Variants in UTRN observed in about 807,000 individuals in gnomAD.
UTRN encodes the protein utrophin, also known as dystrophin-related protein 1.
In UTRN, 283 loss-of-function variants were observed where a neutral mutation model predicts 463.9. The ratio of observed to expected loss-of-function variants is 0.61; its 90% CI spans 0.55 to 0.67. The LOEUF is 0.67. Ranked by LOEUF, UTRN falls within the 30% of genes least tolerant of loss-of-function variation. The pLI is 0.00. For missense variants in UTRN, 3,922 were observed against 4,084.3 expected, an observed-to-expected ratio of 0.96 and a Z score of 1.08; for synonymous variants, 1,442 against 1,431.5, an observed-to-expected ratio of 1.01 and a Z score of -0.17.
intron 1 of UTRN, among the ~76,000 whole-genome samples, chr6:144,290,411 T>G (rs1360211075): frequency 6.6e-6 from 1 of 152,210 alleles, no homozygotes; most frequent in Non-Finnish European, 1.5e-5. Context: ...GGCCATTTCT[T>G]TTGAAAACTA....
intron 51 of UTRN, among the ~76,000 whole-genome samples, chr6:144,652,581 CA>C (rs1202425951): frequency 2.0e-5 from 3 of 152,142 alleles, no homozygotes; most frequent in Non-Finnish European, 2.9e-5. Context: ...CAAGCGTTAT[CA>C]ATGGATTTTT....
At chr6:144,575,195 G>T (rs376093894) in intron 50 of UTRN, among the ~76,000 whole-genome samples, 1 of 152,034 alleles carries the variant, frequency 6.6e-6, no homozygotes, top group African/African-American at 2.4e-5. Flanking sequence ...GTAACGTATA[G>T]GTTTAAATCT....
At chr6:144,668,834 T>C (rs988110836) in intron 51 of UTRN, among the ~76,000 whole-genome samples, 2 of 152,162 alleles carry the variant, frequency 1.3e-5, no homozygotes, top group Non-Finnish European at 2.9e-5. Flanking sequence ...ATTCAGACTA[T>C]AGCAGAGTCT....
chr6:144,725,725 A>G (rs1180374900), intron 53 of UTRN, among the ~76,000 whole-genome samples: 1 of 152,250 alleles, frequency 6.6e-6, no homozygotes. Flanking sequence ...TGAAATGATT[A>G]TATGTATAAA....
At chr6:144,375,754 G>A (rs777670572) in intron 2 of UTRN, among the ~76,000 whole-genome samples, 65 of 152,272 alleles carry the variant, frequency 4.3e-4, no homozygotes, top group Non-Finnish European at 6.9e-4. Context: ...CCAGGCGGCT[G>A]CCTGGGTGTT....
At chr6:144,594,085 CAA>C (rs1367088517) in intron 51 of UTRN, among the ~76,000 whole-genome samples, 1 of 152,054 alleles carries the variant, frequency 6.6e-6, no homozygotes, top group Non-Finnish European at 1.5e-5. Context: ...GGGAATTACA[CAA>C]TATTTCAAGC....
At chr6:144,786,182 T>C (rs1776273930) in intron 61 of UTRN, among the ~76,000 whole-genome samples, 2 of 152,214 alleles carry the variant, frequency 1.3e-5, no homozygotes, top group Non-Finnish European at 2.9e-5. Context: ...TGTAGCTTAT[T>C]TACATCAGTG....
At chr6:144,594,815 C>A (rs1157750604) in intron 51 of UTRN, among the ~76,000 whole-genome samples, 3 of 151,992 alleles carry the variant, frequency 2.0e-5, no homozygotes, top group African/African-American at 7.2e-5. Context: ...CCTAGGCAAC[C>A]CTGAACACTT....
intron 51 of UTRN, among the ~76,000 whole-genome samples, chr6:144,579,514 T>C (rs1326831509): frequency 2.6e-5 from 4 of 152,196 alleles, no homozygotes; most frequent in Non-Finnish European, 5.9e-5. Context: ...TTCTAGAGTT[T>C]AATGATGTCT....
At chr6:144,557,418 T>A in intron 50 of UTRN, 107 bp downstream of exon 50, 1 of 1,136,622 alleles carries the variant, frequency 8.8e-7, no homozygotes, top group Non-Finnish European at 1.2e-6. Flanking sequence ...ACAAGTACAT[T>A]TTATTATTAT....
intron 28 of UTRN, among the ~76,000 whole-genome samples, chr6:144,487,244 C>T (rs1467510792): frequency 6.6e-6 from 1 of 152,114 alleles, no homozygotes; most frequent in Non-Finnish European, 1.5e-5. Flanking sequence ...CAGCTCACTG[C>T]AGCCTTGAAC....
chr6:144,530,999 A>T, intron 41 of UTRN, 53 bp from the exon 42 acceptor site: 1 of 1,561,376 alleles, frequency 6.4e-7, no homozygotes, highest in Non-Finnish European at 8.7e-7. Context: ...AAATGGCTTT[A>T]GGCAGTCCTG....
Position 144,584,048 on chromosome 6 carries a change from CAATT to C in UTRN, c.7479+6763_7479+6766del, listed in dbSNP as rs372147036. ...TAGCTAATTGCTTTTTCAATTAAAA[CAATT>C]AAAAGACATTTTAAAAAAATGATCA... is the stretch of plus-strand genomic sequence containing the variant. On this transcript the variant is annotated intron_variant, in intron 51 of 74. Coordinates refer to ENST00000367545, the MANE Select transcript of UTRN (RefSeq NM_007124.3). Among the ~76,000 whole-genome samples the C allele has an allele frequency of 3.9e-4, 60 of 152,122 alleles. No individual in the cohort carries two copies. The East Asian group carries it at 5.6e-3, about 14-fold the overall frequency.
intron 50 of UTRN, among the ~76,000 whole-genome samples, chr6:144,565,231 G>A (rs572149917): frequency 9.8e-5 from 15 of 152,296 alleles, no homozygotes; most frequent in Admixed American, 5.2e-4. Context: ...ACCATTCACC[G>A]AATTGGGAAA....
At chr6:144,493,252 A>G (rs904638533) in intron 32 of UTRN, 49 bp from the exon 33 acceptor site, 13 of 1,591,778 alleles carry the variant, frequency 8.2e-6, no homozygotes, top group African/African-American at 1.3e-5. Context: ...CCAGTTGGCA[A>G]GTTGTCACCA....
chr6:144,509,156 A>T (rs904133722), intron 34 of UTRN, among the ~76,000 whole-genome samples: 5 of 152,162 alleles, frequency 3.3e-5, no homozygotes, highest in African/African-American at 1.2e-4. Flanking sequence ...TATTAATTCT[A>T]TTCGGTAACA....
At chr6:144,393,649 A>G (rs1347762484) in intron 2 of UTRN, among the ~76,000 whole-genome samples, 1 of 152,114 alleles carries the variant, frequency 6.6e-6, no homozygotes, top group East Asian at 1.9e-4. Flanking sequence ...AGGGTGTTGA[A>G]AAAGAATATT....
chr6:144,780,560 A>G (rs1307948238), intron 60 of UTRN, among the ~76,000 whole-genome samples: 2 of 152,212 alleles, frequency 1.3e-5, no homozygotes, highest in Non-Finnish European at 2.9e-5. Flanking sequence ...TCCACACTCA[A>G]TAAATGTATA....
At chr6:144,644,696 C>A (rs1322957740) in intron 51 of UTRN, among the ~76,000 whole-genome samples, 1 of 152,114 alleles carries the variant, frequency 6.6e-6, no homozygotes, top group African/African-American at 2.4e-5. Context: ...GAGAAACCAA[C>A]TTTATCTCAA....
Sources: allele counts gnomAD v4.1 joint callset (sites outside exome capture counted in the v4.1 genomes callset), GRCh38; gene constraint gnomAD v4.1.1; transcripts MANE v1.5; gene names NCBI Gene and HGNC (gene_info 2026-07-23, HGNC 2026-07-21).